COL25A1: variants seen among roughly 807,000 people sequenced by gnomAD.
COL25A1 encodes the protein collagen type XXV alpha 1 chain.
In COL25A1, 103 loss-of-function variants were observed where a neutral mutation model predicts 128.4. The ratio of observed to expected loss-of-function variants is 0.80; its 90% CI spans 0.68 to 0.94. The LOEUF is 0.94. Among genes scored for constraint, COL25A1 ranks in the 40% least tolerant of loss-of-function variants. COL25A1 has a pLI of 0.00. For synonymous variants in COL25A1, 279 were observed against 277.2 expected (o/e 1.01, Z -0.06); for missense variants, 745 against 840.0 (o/e 0.89, Z 1.40).
chr4:108,839,390 A>G (rs894873092), intron 31 of COL25A1, among the ~76,000 whole-genome samples: 6 of 152,198 alleles, frequency 3.9e-5, no homozygotes, highest in African/African-American at 1.4e-4. Flanking sequence ...TGAAGATAGG[A>G]TGTTTGCAGT....
chr4:109,211,250 CAATATATATG>C (rs1181241961), intron 3 of COL25A1, among the ~76,000 whole-genome samples: 2 of 43,618 alleles, frequency 4.6e-5, no homozygotes, highest in Admixed American at 2.5e-4. Flanking sequence ...ATATATGAAA[CAATATATATG>C]TATATATATG....
At chr4:109,012,814 G>A (rs1431696016) in intron 5 of COL25A1, among the ~76,000 whole-genome samples, 3 of 152,172 alleles carry the variant, frequency 2.0e-5, no homozygotes, top group Admixed American at 6.5e-5. Flanking sequence ...CCCCTGCTCC[G>A]CAGCACCCAG....
chr4:109,178,835 C>CAAAAAAAAAA (rs34132262), intron 3 of COL25A1, among the ~76,000 whole-genome samples: 1 of 47,560 alleles, frequency 2.1e-5, no homozygotes. Flanking sequence ...ACTCCATCTC[C>CAAAAAAAAAA]AAAAAAAAAA....
At chr4:108,993,055 A>G (rs1311540048) in intron 6 of COL25A1, among the ~76,000 whole-genome samples, 3 of 152,114 alleles carry the variant, frequency 2.0e-5, no homozygotes, top group South Asian at 2.1e-4. Flanking sequence ...TTAACATCCA[A>G]TCTTAGCATT....
chr4:109,201,481 T>TAA (rs1373480574), intron 3 of COL25A1, among the ~76,000 whole-genome samples: 4 of 152,030 alleles, frequency 2.6e-5, no homozygotes, highest in Admixed American at 2.6e-4. Flanking sequence ...GAATAGAGGG[T>TAA]AACTTTCTCA....
At chr4:109,282,026 G>T (rs1417494180) in intron 3 of COL25A1, among the ~76,000 whole-genome samples, 1 of 152,060 alleles carries the variant, frequency 6.6e-6, no homozygotes, top group Non-Finnish European at 1.5e-5. Context: ...TGAGCCTAAG[G>T]GTGTATGTCA....
chr4:109,241,534 C>A (rs770081929), intron 3 of COL25A1, among the ~76,000 whole-genome samples: 2 of 151,758 alleles, frequency 1.3e-5, no homozygotes, highest in East Asian at 1.9e-4. Flanking sequence ...TCTGAATACA[C>A]CCTCATTAAA....
At chr4:109,015,021 C>T (rs1757089339) in intron 5 of COL25A1, among the ~76,000 whole-genome samples, 1 of 152,190 alleles carries the variant, frequency 6.6e-6, no homozygotes, top group Admixed American at 6.5e-5. Flanking sequence ...CTAATAGAGC[C>T]ATCTGGCCAA....
chr4:108,817,259 T>C, intron 37 of COL25A1, 138 bp downstream of exon 37: 1 of 755,304 alleles, frequency 1.3e-6, no homozygotes, highest in East Asian at 2.5e-5. Flanking sequence ...CAGCAGTAAA[T>C]ATACTGATCA....
intron 3 of COL25A1, among the ~76,000 whole-genome samples, chr4:109,106,670 G>A (rs1766462699): frequency 6.6e-6 from 1 of 151,268 alleles, no homozygotes. Context: ...GTAAAAATAG[G>A]ATGAAAAGTT....
chr4:109,289,057 C>T (rs1724198572), intron 3 of COL25A1, among the ~76,000 whole-genome samples: 1 of 151,204 alleles, frequency 6.6e-6, no homozygotes, highest in Non-Finnish European at 1.5e-5. Context: ...TGTGTAGTTG[C>T]TTTAGTAATG....
intron 3 of COL25A1, among the ~76,000 whole-genome samples, chr4:109,254,466 T>C (rs899991907): frequency 1.8e-5 from 2 of 109,140 alleles, no homozygotes; most frequent in African/African-American, 7.3e-5. Context: ...TGTAGGCATA[T>C]GTTTATATAT....
chr4:109,049,838 A>G (rs1340533459), intron 4 of COL25A1, among the ~76,000 whole-genome samples: 3 of 152,210 alleles, frequency 2.0e-5, no homozygotes, highest in Non-Finnish European at 4.4e-5. Flanking sequence ...GAAACACGCC[A>G]TTGTACATAG....
chr4:108,860,818 T>G (rs1162474054), intron 23 of COL25A1, 109 bp downstream of exon 23: 5 of 908,360 alleles, frequency 5.5e-6, no homozygotes, highest in African/African-American at 1.7e-5. Context: ...CCTCCAATAC[T>G]ATTATTAAGT....
chr4:108,982,230 T>C lies in COL25A1; in HGVS notation c.439-7671A>G, dbSNP rs145179324. On this transcript the variant is annotated intron_variant, in intron 6 of 37. Coordinates refer to ENST00000399132, the MANE Select transcript of COL25A1 (RefSeq NM_198721.4). Reference sequence around the variant, plus strand: ...ACACACAAACAAAACAAAAAAGAAATACAATTGATTTCCTAAACCAAAAGA... The same window carrying C: ...ACACACAAACAAAACAAAAAAGAAACACAATTGATTTCCTAAACCAAAAGA... Among the ~76,000 whole-genome samples, 330 of 151,950 alleles carry C rather than the reference T, an allele frequency of 2.2e-3. 1 individual carries two copies. Among genetic ancestry groups the C allele is most frequent in the African/African-American group, 7.8e-3 (323 of 41,454 alleles).
At chr4:109,178,949 C>T (rs115994480) in intron 3 of COL25A1, among the ~76,000 whole-genome samples, 3,347 of 150,378 alleles carry the variant, frequency 0.022, 55 homozygotes, top group Non-Finnish European at 0.036. Flanking sequence ...GCCTTTGTGA[C>T]ATAAAGCCTC....
chr4:109,002,095 C>T (rs531969578), intron 6 of COL25A1, among the ~76,000 whole-genome samples: 61 of 152,250 alleles, frequency 4.0e-4, no homozygotes, highest in East Asian at 1.2e-3. Flanking sequence ...AGGGAATCCT[C>T]GTACACGGTT....
chr4:108,845,111 A>C, intron 29 of COL25A1, 78 bp downstream of exon 29: 1 of 1,203,790 alleles, frequency 8.3e-7, no homozygotes, highest in Non-Finnish European at 1.2e-6. Flanking sequence ...GCCATCTGGC[A>C]GAGGTGGAAT....
intron 3 of COL25A1, among the ~76,000 whole-genome samples, chr4:109,282,398 G>A (rs1007032815): frequency 1.3e-5 from 2 of 152,112 alleles, no homozygotes; most frequent in African/African-American, 4.8e-5. Flanking sequence ...GCACAAAAAT[G>A]GAGCCAGTAG....
Sources: gnomAD v4.1 joint callset for allele counts (sites outside exome capture counted in the v4.1 genomes callset) on GRCh38, gnomAD v4.1.1 for gene constraint, MANE v1.5 for transcripts, NCBI Gene and HGNC (gene_info 2026-07-23, HGNC 2026-07-21) for gene names.